AGTPBP1: variants seen among roughly 807,000 people sequenced by gnomAD.
AGTPBP1 encodes cytosolic carboxypeptidase 1.
A neutral mutation model predicts 143.9 loss-of-function variants in AGTPBP1; 70 were observed. That is an observed-to-expected ratio of 0.49 (90% CI 0.40 to 0.59). The LOEUF is 0.59. Among genes scored for constraint, AGTPBP1 ranks in the 20% least tolerant of loss-of-function variants. The pLI, the probability that AGTPBP1 is intolerant of heterozygous loss-of-function variation, is 0.00. For synonymous variants in AGTPBP1, 463 were observed against 500.2 expected (o/e 0.93, Z 0.99); for missense variants, 1,229 against 1,464.5 (o/e 0.84, Z 2.62).
At chr9:85,644,826 T>G (rs1389373079) in intron 12 of AGTPBP1, among the ~76,000 whole-genome samples, 1 of 151,974 alleles carries the variant, frequency 6.6e-6, no homozygotes, top group African/African-American at 2.4e-5. Flanking sequence ...GCAGTTCACC[T>G]GAAGGATGAA....
rs147314411 is a variant in AGTPBP1 at position 85,741,123 on chromosome 9, G to A, written c.-34+652C>T. On this transcript the variant is annotated intron_variant, in intron 1 of 25. Coordinates refer to ENST00000357081, the MANE Select transcript of AGTPBP1 (RefSeq NM_001330701.2). ...GCAATTCAGGAAGGAAGACACTAAG[G>A]AAACTCTGCACTGTCATCCAGGGTG... 1.5e-4 allele frequency: 115 copies of A among 747,140 alleles called. No individual in the cohort carries two copies. In the African/African-American group the frequency reaches 2.1e-3, roughly 14 times the overall value. 46.3% of individuals were successfully genotyped at this position (747,140 alleles called of 1,614,324 possible).
At chr9:85,740,430 C>A (rs2134855401) in intron 1 of AGTPBP1, among the ~76,000 whole-genome samples, 1 of 152,246 alleles carries the variant, frequency 6.6e-6, no homozygotes, top group Middle Eastern at 3.4e-3. Context: ...GGGTAAGGCA[C>A]GACTTATTAT....
the AGTPBP1 span, chr9:85,770,286 A>G: frequency 1.5e-5 from 24 of 1,578,410 alleles, 1 homozygote; most frequent in African/African-American, 9.4e-5. Context: ...ATATCTAGGA[A>G]GAACATGTTC....
At chr9:85,564,284 G>C (rs1345073828) in intron 25 of AGTPBP1, among the ~76,000 whole-genome samples, 1 of 152,238 alleles carries the variant, frequency 6.6e-6, no homozygotes, top group Non-Finnish European at 1.5e-5. Flanking sequence ...TTCAGGTTTT[G>C]GACATGCTCA....
the AGTPBP1 span, among the ~76,000 whole-genome samples, chr9:85,771,517 G>T: frequency 6.6e-6 from 1 of 152,140 alleles, no homozygotes; most frequent in Non-Finnish European, 1.5e-5. Context: ...TAAGATAAAT[G>T]AAAATGTTAT....
chr9:85,624,131 A>G (rs149829750), intron 14 of AGTPBP1, among the ~76,000 whole-genome samples: 4 of 152,350 alleles, frequency 2.6e-5, no homozygotes, highest in East Asian at 1.9e-4. Flanking sequence ...TCTCATTGCT[A>G]TATTTATTGT....
chr9:85,602,993 T>A (rs545945154), intron 17 of AGTPBP1, among the ~76,000 whole-genome samples: 76 of 152,286 alleles, frequency 5.0e-4, no homozygotes, highest in African/African-American at 1.8e-3. Flanking sequence ...GAATTGCCCA[T>A]CCCAGCTGTC....
At chr9:85,644,087 A>T (rs1292368225) in intron 12 of AGTPBP1, among the ~76,000 whole-genome samples, 1 of 152,050 alleles carries the variant, frequency 6.6e-6, no homozygotes, top group East Asian at 1.9e-4. Context: ...CATATTATGT[A>T]TTTCTTATTA....
chr9:85,788,399 T>C, the AGTPBP1 span, among the ~76,000 whole-genome samples: 1 of 148,996 alleles, frequency 6.7e-6, no homozygotes, highest in Non-Finnish European at 1.5e-5. Flanking sequence ...GCCATTATTA[T>C]ATATATTTCA....
At chr9:85,737,964 G>A (rs1276651514) in intron 1 of AGTPBP1, among the ~76,000 whole-genome samples, 1 of 152,090 alleles carries the variant, frequency 6.6e-6, no homozygotes, top group East Asian at 1.9e-4. Flanking sequence ...CTGGATGCAG[G>A]AGCAGATATG....
intron 25 of AGTPBP1, among the ~76,000 whole-genome samples, chr9:85,566,724 G>A (rs1827129477): frequency 6.6e-6 from 1 of 152,124 alleles, no homozygotes; most frequent in Non-Finnish European, 1.5e-5. Context: ...CAGGTCATGG[G>A]TGTGCCGCCA....
chr9:85,761,262 G>T, the AGTPBP1 span, among the ~76,000 whole-genome samples: 403 of 152,218 alleles, frequency 2.6e-3, 2 homozygotes, highest in Non-Finnish European at 4.0e-3. Flanking sequence ...TCACAGAATT[G>T]GAAAAAACTA....
At chr9:85,614,425 T>C (rs1252473102) in intron 17 of AGTPBP1, among the ~76,000 whole-genome samples, 1 of 151,872 alleles carries the variant, frequency 6.6e-6, no homozygotes, top group Non-Finnish European at 1.5e-5. Flanking sequence ...TAAACAGAAA[T>C]ATAAAACAAT....
chr9:85,756,010 T>C, the AGTPBP1 span: 1 of 1,185,506 alleles, frequency 8.4e-7, no homozygotes, highest in South Asian at 1.8e-5. Flanking sequence ...GAAATTCTAT[T>C]ATTACCATAT....
Position 85,672,667 on chromosome 9 carries a change from C to T in AGTPBP1, c.451G>A (p.Val151Ile), listed in dbSNP as rs1283371376. Reference protein sequence around the residue: ...KIGPKDKKFGVKARINGALNI... With the variant: ...KIGPKDKKFGIKARINGALNI... ...AGAGCCCCATTAATTCTAGCCTTTA[C>T]TCCAAATTTTTTATCTGTTTAAAAA... The change falls in exon 7 of 26, where the codon GTA (valine) becomes ATA (isoleucine). Residue 151 changes from valine (V) to isoleucine (I), a missense_variant. By Grantham distance (29) the Val-to-Ile change is conservative. Coordinates refer to ENST00000357081, the MANE Select transcript of AGTPBP1 (RefSeq NM_001330701.2). The T allele has an allele frequency of 6.3e-7, 1 of 1,593,114 alleles. No individual in the cohort carries two copies. The highest frequency in any genetic ancestry group is 8.5e-7 in the Non-Finnish European group (1 of 1,172,786).
chr9:85,622,319 T>C (rs1830985644), intron 14 of AGTPBP1, among the ~76,000 whole-genome samples: 1 of 152,170 alleles, frequency 6.6e-6, no homozygotes, highest in Non-Finnish European at 1.5e-5. Flanking sequence ...AGTCTTAAAC[T>C]TCAGGCAAAT....
At chr9:85,645,374 C>A (rs538258985) in intron 12 of AGTPBP1, among the ~76,000 whole-genome samples, 1 of 152,028 alleles carries the variant, frequency 6.6e-6, no homozygotes, top group East Asian at 1.9e-4. Context: ...TAGAAATGTC[C>A]CAGATTAAAG....
chr9:85,710,176 T>A (rs1034224967), intron 2 of AGTPBP1, among the ~76,000 whole-genome samples: 22 of 152,170 alleles, frequency 1.4e-4, no homozygotes, highest in African/African-American at 4.3e-4. Context: ...CTCTTTTTTT[T>A]AGAACATATT....
chr9:85,575,536 C>T (rs931695765), intron 24 of AGTPBP1, 61 bp from the exon 25 acceptor site: 1 of 1,357,956 alleles, frequency 7.4e-7, no homozygotes, highest in South Asian at 1.5e-5. Flanking sequence ...GGATACAGCT[C>T]AATGAAATTA....
Sources: gnomAD v4.1 joint callset for allele counts (sites outside exome capture counted in the v4.1 genomes callset) on GRCh38, gnomAD v4.1.1 for gene constraint, MANE v1.5 for transcripts, NCBI Gene and HGNC (gene_info 2026-07-23, HGNC 2026-07-21) for gene names.